Variants in TMEM132D observed in about 807,000 individuals in gnomAD.
TMEM132D encodes transmembrane protein 132D, also known as mature OL transmembrane protein.
Under a neutral mutation model 62.3 loss-of-function variants are expected in TMEM132D, and 21 were observed. That is an observed-to-expected ratio of 0.34 (90% CI 0.24 to 0.49). TMEM132D has a LOEUF of 0.49. Among genes scored for constraint, TMEM132D ranks in the 20% least tolerant of loss-of-function variants. TMEM132D has a pLI of 0.99. For missense variants in TMEM132D, 1,346 were observed against 1,402.8 expected (o/e 0.96, Z 0.65); for synonymous variants, 621 against 575.6 (o/e 1.08, Z -1.13).
intron 1 of TMEM132D, among the ~76,000 whole-genome samples, chr12:129,752,485 G>A (rs977902677): frequency 5.3e-5 from 8 of 152,124 alleles, no homozygotes; most frequent in African/African-American, 1.9e-4. Flanking sequence ...AGACCTTTAT[G>A]TCCACATGAG....
At chr12:129,273,765 C>T (rs902738199) in intron 4 of TMEM132D, among the ~76,000 whole-genome samples, 6 of 151,620 alleles carry the variant, frequency 4.0e-5, no homozygotes, top group Admixed American at 2.0e-4. Flanking sequence ...GGGGAATAGT[C>T]GAGTGGGGAG....
At chr12:129,892,540 GT>G (rs1179829448) in intron 1 of TMEM132D, among the ~76,000 whole-genome samples, 1 of 151,542 alleles carries the variant, frequency 6.6e-6, no homozygotes, top group Non-Finnish European at 1.5e-5. Context: ...CCTCCTCCTC[GT>G]TTTTTCTTAC....
intron 5 of TMEM132D, among the ~76,000 whole-genome samples, chr12:129,201,255 G>C (rs1878696542): frequency 6.6e-6 from 1 of 152,182 alleles, no homozygotes; most frequent in Non-Finnish European, 1.5e-5. Context: ...AGTAATACTT[G>C]AGCCCACGTC....
intron 3 of TMEM132D, among the ~76,000 whole-genome samples, chr12:129,362,785 T>C (rs1870288835): frequency 6.6e-6 from 1 of 152,118 alleles, no homozygotes; most frequent in Non-Finnish European, 1.5e-5. Flanking sequence ...AAAATCAGAA[T>C]ACGGTAGAAT....
chr12:129,476,491 AATTGCTTGCGTGTGCCGAG>A (rs1193846644), intron 3 of TMEM132D, among the ~76,000 whole-genome samples: 1 of 152,138 alleles, frequency 6.6e-6, no homozygotes, highest in Non-Finnish European at 1.5e-5. Flanking sequence ...GAGGTCACAG[AATTGCTTGCGTGTGCCGAG>A]CCTGGGGTCA....
chr12:129,602,857 G>A (rs1296277148), intron 2 of TMEM132D, among the ~76,000 whole-genome samples: 1 of 152,136 alleles, frequency 6.6e-6, no homozygotes, highest in Admixed American at 6.5e-5. Context: ...GGTTGGGTAG[G>A]CCTCAGGAAA....
chr12:129,721,078 T>C (rs1868809683), intron 1 of TMEM132D, among the ~76,000 whole-genome samples: 1 of 152,174 alleles, frequency 6.6e-6, no homozygotes, highest in African/African-American at 2.4e-5. Context: ...GAGCCGGACA[T>C]TGGCATTCAG....
chr12:129,209,003 G>A (rs539158778), intron 5 of TMEM132D: 28 of 152,650 alleles, frequency 1.8e-4, no homozygotes, highest in Non-Finnish European at 3.1e-4. Context: ...TTTGTGGGCT[G>A]GGCAGAGGAA....
chr12:129,615,315 A>C (rs925574469), intron 2 of TMEM132D, among the ~76,000 whole-genome samples: 1 of 152,164 alleles, frequency 6.6e-6, no homozygotes, highest in Non-Finnish European at 1.5e-5. Flanking sequence ...TCTTCCGTCA[A>C]GCTCACTTCT....
At chr12:129,453,937 T>TA (rs1410701942) in intron 3 of TMEM132D, among the ~76,000 whole-genome samples, 5 of 152,188 alleles carry the variant, frequency 3.3e-5, no homozygotes, top group African/African-American at 1.2e-4. Context: ...AGTTATCCCT[T>TA]AACCAGATGA....
intron 4 of TMEM132D, among the ~76,000 whole-genome samples, chr12:129,323,991 A>G (rs1175416782): frequency 6.6e-6 from 1 of 151,888 alleles, no homozygotes; most frequent in Non-Finnish European, 1.5e-5. Context: ...AAAATTCCAT[A>G]TAACCATATC....
intron 2 of TMEM132D, among the ~76,000 whole-genome samples, chr12:129,616,453 T>C (rs1170415041): frequency 6.6e-6 from 1 of 152,136 alleles, no homozygotes; most frequent in Non-Finnish European, 1.5e-5. Flanking sequence ...GACTTAATTA[T>C]TGATATGGTT....
chr12:129,267,419 G>C (rs1339174836), intron 4 of TMEM132D, among the ~76,000 whole-genome samples: 2 of 152,146 alleles, frequency 1.3e-5, no homozygotes, highest in Non-Finnish European at 2.9e-5. Context: ...AATCATGAAT[G>C]AACTCCCATT....
intron 1 of TMEM132D, among the ~76,000 whole-genome samples, chr12:129,704,240 T>C (rs1352051973): frequency 6.6e-6 from 1 of 152,178 alleles, no homozygotes; most frequent in Admixed American, 6.5e-5. Context: ...AGAAAGAAAA[T>C]AGTTGTCCGC....
chr12:129,546,778 G>A (rs1876749791), intron 2 of TMEM132D, among the ~76,000 whole-genome samples: 1 of 151,396 alleles, frequency 6.6e-6, no homozygotes, highest in Admixed American at 6.6e-5. Context: ...TCCAGCCTGG[G>A]CAACAGAGCG....
chr12:129,647,104 GT>G, intron 2 of TMEM132D, among the ~76,000 whole-genome samples: 1 of 86,672 alleles, frequency 1.2e-5, no homozygotes, highest in South Asian at 5.3e-4. Flanking sequence ...CCAACCACAT[GT>G]TTTTATACAT....
chr12:129,156,969 G>A (rs542148918), intron 5 of TMEM132D, among the ~76,000 whole-genome samples: 5 of 151,436 alleles, frequency 3.3e-5, no homozygotes, highest in East Asian at 3.9e-4. Flanking sequence ...CTATGATAAC[G>A]AGCCCACTCC....
At chr12:129,379,593 C>T (rs1330304548) in intron 3 of TMEM132D, among the ~76,000 whole-genome samples, 1 of 152,154 alleles carries the variant, frequency 6.6e-6, no homozygotes, top group African/African-American at 2.4e-5. Flanking sequence ...GTCTTTGTGC[C>T]TGTGTGAGTC....
At chr12:129,796,846 T>C (rs990096189) in intron 1 of TMEM132D, among the ~76,000 whole-genome samples, 2 of 152,142 alleles carry the variant, frequency 1.3e-5, no homozygotes, top group Non-Finnish European at 2.9e-5. Flanking sequence ...ACCTGCACGT[T>C]CCGCACATGT....
Sources: allele counts gnomAD v4.1 joint callset (sites outside exome capture counted in the v4.1 genomes callset), GRCh38; gene constraint gnomAD v4.1.1; transcripts MANE v1.5; gene names NCBI Gene and HGNC (gene_info 2026-07-23, HGNC 2026-07-21).